FTO: variants seen among roughly 807,000 people sequenced by gnomAD.
FTO encodes FTO alpha-ketoglutarate dependent dioxygenase, also known as alpha-ketoglutarate-dependent dioxygenase FTO.
In FTO, 47 loss-of-function variants were observed where a neutral mutation model predicts 63.9. The observed-to-expected ratio is 0.74, with a 90% CI of 0.58 to 0.94. The LOEUF (loss-of-function observed/expected upper bound fraction) is 0.94. Among genes scored for constraint, FTO ranks in the 40% least tolerant of loss-of-function variants. The pLI is 0.00. For synonymous variants in FTO, 207 were observed against 224.4 expected (o/e 0.92, Z 0.69); for missense variants, 562 against 618.1 (o/e 0.91, Z 0.96).
rs1046416418 is a variant in FTO at position 53,881,141 on chromosome 16, A to G, written c.1119+1154A>G. On this transcript the variant is annotated intron_variant, in intron 6 of 8. Coordinates refer to ENST00000471389, the MANE Select transcript of FTO (RefSeq NM_001080432.3). ...CGTCTCAAAATAAATAAATAAATAA[A>G]TAAATAAATAAAAATAAAATAAAAA... Among the ~76,000 whole-genome samples, 14 of 150,890 alleles carry G rather than the reference A, an allele frequency of 9.3e-5. 1 individual carries two copies. The highest frequency in any genetic ancestry group is 2.1e-4 in the Non-Finnish European group (14 of 67,754).
At position 53,811,761 on chromosome 16, in the gene FTO, G is replaced by A. The variant is rs16952545; in HGVS notation, c.123+1544G>A. ...ATTTGCTATGAGTTTCATCTTTGGG[G>A]CCTTCTTGCTACGTCCTCTGCTGAC... On this transcript the variant is annotated intron_variant, in intron 2 of 8. Coordinates refer to ENST00000471389, the MANE Select transcript of FTO (RefSeq NM_001080432.3). Among the ~76,000 whole-genome samples the A allele has an allele frequency of 8.3e-3, 1,257 of 152,042 alleles. 16 individuals are homozygous for A. The highest frequency in any genetic ancestry group is 0.028 in the African/African-American group (1,168 of 41,462).
chr16:53,878,512 G>A (rs566581283), intron 5 of FTO, among the ~76,000 whole-genome samples: 44 of 152,058 alleles, frequency 2.9e-4, no homozygotes, highest in Admixed American at 7.2e-4. Flanking sequence ...TGTTGATGTC[G>A]CATTGTATAA....
rs1181693224 is a variant in FTO at position 54,090,226 on chromosome 16, G to A, written c.1365-21536G>A. Among the ~76,000 whole-genome samples the A allele has an allele frequency of 2.0e-5, 3 of 152,184 alleles. No individual in the cohort carries two copies. The East Asian group carries it at 5.8e-4, about 29-fold the overall frequency. ...TTCTAAGGAATGAAATTGAAACACG[G>A]GCCACAGTATGAATGAACCTTGAAA... On this transcript the variant is annotated intron_variant, in intron 8 of 8. Transcript: ENST00000471389.
intron 8 of FTO, among the ~76,000 whole-genome samples, chr16:54,081,593 G>A (rs2086142468): frequency 6.6e-6 from 1 of 152,136 alleles, no homozygotes; most frequent in Non-Finnish European, 1.5e-5. Context: ...CAGATTTGAA[G>A]CCAAAATAAC....
intron 2 of FTO, among the ~76,000 whole-genome samples, chr16:53,817,942 C>T (rs1164931490): frequency 1.3e-5 from 2 of 152,090 alleles, no homozygotes; most frequent in Non-Finnish European, 2.9e-5. Context: ...GACCAGACAA[C>T]TGCTAATATA....
chr16:53,888,871 A>C lies in FTO; in HGVS notation c.1159A>C (p.Asn387His). The change falls in exon 7 of 9, where the codon AAT (asparagine) becomes CAT (histidine). Residue 387 changes from asparagine (N) to histidine (H), a missense_variant. Transcript: ENST00000471389. ...EWLRQFWFQGNRYRKCTDWWC... is the reference protein window; with the variant it reads ...EWLRQFWFQGHRYRKCTDWWC... ...GCTGAGGCAGTTTTGGTTTCAAGGC[A>C]ATCGATACAGAAAGTGCACTGACTG... The C allele has an allele frequency of 6.2e-7, 1 of 1,614,094 alleles. No homozygotes were observed. The highest frequency in any genetic ancestry group is 8.5e-7 in the Non-Finnish European group (1 of 1,179,956).
intron 8 of FTO, among the ~76,000 whole-genome samples, chr16:54,110,647 C>A (rs2086863361): frequency 1.3e-5 from 2 of 152,184 alleles, no homozygotes; most frequent in East Asian, 3.9e-4. Context: ...GGAAATGGGG[C>A]CAGGATATTC....
intron 7 of FTO, among the ~76,000 whole-genome samples, chr16:53,915,838 C>T (rs1490528235): frequency 2.0e-5 from 3 of 152,170 alleles, no homozygotes; most frequent in Non-Finnish European, 4.4e-5. Context: ...TGTAACCACT[C>T]AACAAGGCAG....
chr16:54,071,661 G>C (rs1305022582), intron 8 of FTO: 1 of 152,128 alleles, frequency 6.6e-6, no homozygotes, highest in Non-Finnish European at 1.5e-5. Context: ...TTGGGTGCCT[G>C]CATGTAACAG....
At chr16:53,985,536 A>T (rs1170580886) in intron 8 of FTO, among the ~76,000 whole-genome samples, 2 of 152,220 alleles carry the variant, frequency 1.3e-5, no homozygotes, top group African/African-American at 4.8e-5. Context: ...CTGAGATTAG[A>T]GCACTGTGTG....
chr16:53,844,278 G>T lies in FTO; in HGVS notation c.875G>T (p.Gly292Val). 1 of 1,613,442 alleles carries T rather than the reference G, an allele frequency of 6.2e-7. No individual in the cohort carries two copies. Among genetic ancestry groups the T allele is most frequent in the Non-Finnish European group, 8.5e-7 (1 of 1,179,422 alleles). Residue 292 changes from glycine (G) to valine (V), a missense_variant, in exon 4 of 9, where the codon GGA (glycine) becomes GTA (valine). Physicochemically the swap from Gly to Val is moderately radical, Grantham distance 109. Coordinates refer to ENST00000471389, the MANE Select transcript of FTO (RefSeq NM_001080432.3). The stretch of plus-strand genomic sequence containing the variant: ...GGTTTGGCGATACCCCTTCACCAAG[G>T]AGACTGCTATTTCATGCTTGGTAAT... ...TPGLAIPLHQ[G>V]DCYFMLDDLN...
chr16:54,064,918 G>A lies in FTO; in HGVS notation c.1365-46844G>A, dbSNP rs915273939. Among the ~76,000 whole-genome samples the A allele has an allele frequency of 2.0e-5, 3 of 151,968 alleles. 1 individual carries two copies. The highest frequency in any genetic ancestry group is 4.8e-5 in the African/African-American group (2 of 41,374). ...AGCTAAGGTCATGCGGCTTCTTGGG[G>A]CCTTGGTGAGGAAATGTAAGTGAGA... On this transcript the variant is annotated intron_variant, in intron 8 of 8. Transcript: ENST00000471389.
chr16:53,981,856 A>G (rs34833331), intron 8 of FTO: 47,611 of 151,394 alleles, frequency 0.31, 8,106 homozygotes, highest in East Asian at 0.71. Context: ...GGTTGCAGTG[A>G]GCCAAGATCG....
At chr16:53,979,152 A>C (rs1306869745) in intron 8 of FTO, among the ~76,000 whole-genome samples, 1 of 152,196 alleles carries the variant, frequency 6.6e-6, no homozygotes, top group African/African-American at 2.4e-5. Context: ...CAATATATAC[A>C]ATCATTTATT....
intron 1 of FTO, among the ~76,000 whole-genome samples, chr16:53,738,431 T>C (rs536369184): frequency 1.3e-5 from 2 of 152,214 alleles, no homozygotes; most frequent in Non-Finnish European, 2.9e-5. Context: ...CAATACTTTA[T>C]TTATTTTTAT....
At chr16:53,828,454 A>G (rs9936112) in intron 3 of FTO, among the ~76,000 whole-genome samples, 117,236 of 152,012 alleles carry the variant, frequency 0.77, 45,252 homozygotes, top group African/African-American at 0.82. Flanking sequence ...TGATCCGCCC[A>G]CCTCGGCCTC....
intron 3 of FTO, among the ~76,000 whole-genome samples, chr16:53,841,549 G>A (rs1307997125): frequency 6.6e-6 from 1 of 152,162 alleles, no homozygotes; most frequent in Non-Finnish European, 1.5e-5. Context: ...TCCTTGCAGA[G>A]ACCATGAACT....
intron 7 of FTO, among the ~76,000 whole-genome samples, chr16:53,933,699 G>GA (rs373424477): frequency 4.7e-5 from 7 of 149,490 alleles, no homozygotes; most frequent in East Asian, 2.0e-4. Context: ...CAATTCCCAG[G>GA]AAAAAAAAAA....
chr16:54,018,028 G>C (rs115251932), intron 8 of FTO, among the ~76,000 whole-genome samples: 1 of 151,600 alleles, frequency 6.6e-6, no homozygotes, highest in South Asian at 2.1e-4. Flanking sequence ...GCTCTGACAC[G>C]TACACACATG....
Sources: allele counts gnomAD v4.1 joint callset (sites outside exome capture counted in the v4.1 genomes callset), GRCh38; gene constraint gnomAD v4.1.1; transcripts MANE v1.5; gene names NCBI Gene and HGNC (gene_info 2026-07-23, HGNC 2026-07-21).